Variants in ALDH9A1 observed in about 807,000 individuals in gnomAD.
ALDH9A1 encodes the protein aldehyde dehydrogenase 9 family member A1.
A neutral mutation model predicts 56.6 loss-of-function variants in ALDH9A1; 42 were observed. The observed-to-expected ratio is 0.74, with a 90% CI of 0.58 to 0.96. ALDH9A1 has a LOEUF of 0.96. Among genes scored for constraint, ALDH9A1 ranks in the 40% least tolerant of loss-of-function variants. ALDH9A1 has a pLI of 0.00. For missense variants in ALDH9A1, 661 were observed against 651.5 expected (o/e 1.01, Z -0.16); for synonymous variants, 242 against 236.0 (o/e 1.03, Z -0.23).
At chr1:165,684,959 A>AT (rs1649661632) in intron 2 of ALDH9A1, among the ~76,000 whole-genome samples, 1 of 151,350 alleles carries the variant, frequency 6.6e-6, no homozygotes, top group African/African-American at 2.4e-5. Flanking sequence ...GCCTTGGGAA[A>AT]TTTTTTCTGT....
chr1:165,676,775 T>A (rs1649374816), intron 6 of ALDH9A1: 1 of 499,552 alleles, frequency 2.0e-6, no homozygotes, highest in Non-Finnish European at 3.9e-6. Context: ...CCCTATGAAT[T>A]CATGGCATGA....
chr1:165,684,817 TG>T, intron 2 of ALDH9A1, among the ~76,000 whole-genome samples: 1 of 152,358 alleles, frequency 6.6e-6, no homozygotes, highest in East Asian at 1.9e-4. Context: ...TGCTAAGCCC[TG>T]GAACATTTAC....
At position 165,665,117 on chromosome 1, in the gene ALDH9A1, C is replaced by T. The variant is rs767191060; in HGVS notation, c.1363G>A (p.Ala455Thr). Residue 455 changes from alanine to threonine, a missense_variant, in exon 10 of 11, where the codon GCT (alanine) becomes ACT (threonine). By Grantham distance (58) the Ala-to-Thr change is moderately conservative. Transcript: ENST00000354775. ...TGAAGCTCAGCTACCACTCTATGAG[C>T]CCGTTGGATGTCCCTATGAAGAAAA... ...AGVFTRDIQRAHRVVAELQAG... is the reference protein window; with the variant it reads ...AGVFTRDIQRTHRVVAELQAG... The T allele has an allele frequency of 2.5e-6, 4 of 1,613,528 alleles. No individual in the cohort carries two copies. In the African/African-American group the frequency reaches 4.0e-5, roughly 16 times the overall value.
chr1:165,691,227 T>G (rs1197904002), intron 2 of ALDH9A1, among the ~76,000 whole-genome samples: 2 of 152,190 alleles, frequency 1.3e-5, no homozygotes, highest in Admixed American at 1.3e-4. Flanking sequence ...CAGCCTCCGC[T>G]GGTGATACCC....
At chr1:165,671,745 C>A in intron 6 of ALDH9A1, 1 of 316,028 alleles carries the variant, frequency 3.2e-6, no homozygotes. Flanking sequence ...TGTCTATGTA[C>A]TTGAGCAATA....
intron 6 of ALDH9A1, among the ~76,000 whole-genome samples, chr1:165,677,979 G>T (rs1050968556): frequency 6.6e-6 from 1 of 152,154 alleles, no homozygotes; most frequent in African/African-American, 2.4e-5. Context: ...AGGTTGCAGT[G>T]AGCTGAGATC....
chr1:165,698,479 G>A lies in ALDH9A1; in HGVS notation c.80C>T (p.Thr27Ile). The change falls in exon 1 of 11, where the codon ACT (threonine) becomes ATT (isoleucine). Residue 27 changes from threonine (T) to isoleucine (I), a missense_variant. By Grantham distance (89) the Thr-to-Ile change is moderately conservative (BLOSUM62 -1). Coordinates refer to ENST00000354775, the MANE Select transcript of ALDH9A1 (RefSeq NM_000696.4). ...CGGCTGCGACACGACGAAGGTGCCAGTGCTCATGGCGGCGACAGGAGAGGG... is the reference window on the plus strand; with the variant it reads ...CGGCTGCGACACGACGAAGGTGCCAATGCTCATGGCGGCGACAGGAGAGGG... ...LRPSPVAAMS[T>I]GTFVVSQPLN... is the part of the protein sequence containing the mutation. 1 of 1,608,900 alleles carries A rather than the reference G, an allele frequency of 6.2e-7. No individual in the cohort carries two copies. Among genetic ancestry groups the A allele is most frequent in the Non-Finnish European group, 8.5e-7 (1 of 1,177,992 alleles).
At chr1:165,679,361 T>C (rs1649468835) in intron 6 of ALDH9A1, 81 bp downstream of exon 6, 1 of 1,509,796 alleles carries the variant, frequency 6.6e-7, no homozygotes, top group Non-Finnish European at 9.0e-7. Flanking sequence ...GAAAGTATTG[T>C]AAAACAAAAA....
rs1382778989 is a variant in ALDH9A1 at position 165,681,524 on chromosome 1, A to C, written c.592+583T>G. ...GCAACAGGACAAAAGCTGCATTTCA[A>C]TATAATGTCCTAACAGTAATGCTTT... On this transcript the variant is annotated intron_variant, in intron 4 of 10. Transcript: ENST00000354775. Among the ~76,000 whole-genome samples the C allele has an allele frequency of 3.3e-5, 5 of 152,364 alleles. 1 individual carries two copies. In the East Asian group the frequency reaches 9.6e-4, roughly 29 times the overall value.
chr1:165,698,205 G>A (rs1163350861), intron 1 of ALDH9A1, 173 bp downstream of exon 1: 1 of 1,367,016 alleles, frequency 7.3e-7, no homozygotes, highest in African/African-American at 1.5e-5. Context: ...CCTGCCCGGA[G>A]GCACTCGCGT....
intron 8 of ALDH9A1, 193 bp downstream of exon 8, chr1:165,668,733 T>A: frequency 2.1e-6 from 1 of 471,502 alleles, no homozygotes; most frequent in South Asian, 3.8e-5. Flanking sequence ...CTAATACATA[T>A]GGGTGCCCTA....
chr1:165,680,513 TG>T lies in ALDH9A1; in HGVS notation c.762del (p.Phe254LeufsTer9). The T allele has an allele frequency of 6.2e-7, 1 of 1,614,070 alleles. No homozygotes were observed. The highest frequency in any genetic ancestry group is 8.5e-7 in the Non-Finnish European group (1 of 1,179,992). The part of the protein sequence containing the change: ...CQHPDVAKVS[F>X]TGSVPTGMKI... ...TTCATGCCAGTGGGCACACTTCCAG[TG>T]AAGGAGACTTTGGCCACATCGGGAT... On this transcript the variant is annotated frameshift_variant, in exon 5 of 11. Coordinates refer to ENST00000354775, the MANE Select transcript of ALDH9A1 (RefSeq NM_000696.4). LOFTEE classifies it high-confidence loss of function.
chr1:165,682,079 C>T (rs1649568450), intron 4 of ALDH9A1, 28 bp downstream of exon 4: 1 of 1,612,166 alleles, frequency 6.2e-7, no homozygotes. Flanking sequence ...ACGAATGGCT[C>T]TCAAATGGAG....
At chr1:165,670,253 T>C (rs12123278) in intron 6 of ALDH9A1, among the ~76,000 whole-genome samples, 59,684 of 151,802 alleles carry the variant, frequency 0.39, 11,884 homozygotes, top group Middle Eastern at 0.49. Flanking sequence ...GGCAACATGA[T>C]GAAACCCCAT....
intron 10 of ALDH9A1, among the ~76,000 whole-genome samples, chr1:165,663,441 T>C (rs1458870774): frequency 6.6e-6 from 1 of 152,256 alleles, no homozygotes; most frequent in Non-Finnish European, 1.5e-5. Context: ...GCTTGGATTT[T>C]ATATCAAGTG....
chr1:165,697,424 A>G (rs1650125624), intron 1 of ALDH9A1, among the ~76,000 whole-genome samples: 1 of 152,252 alleles, frequency 6.6e-6, no homozygotes, highest in Non-Finnish European at 1.5e-5. Flanking sequence ...GTATACATAC[A>G]TTACAACACG....
intron 2 of ALDH9A1, among the ~76,000 whole-genome samples, chr1:165,689,046 T>G (rs1649801405): frequency 6.6e-6 from 1 of 152,142 alleles, no homozygotes; most frequent in Non-Finnish European, 1.5e-5. Context: ...TAAAAGTCAT[T>G]TCCTAACAAT....
intron 8 of ALDH9A1, 179 bp downstream of exon 8, chr1:165,668,747 G>C (rs1649082625): frequency 4.0e-6 from 2 of 497,902 alleles, no homozygotes; most frequent in African/African-American, 2.0e-5. Context: ...TGCCCTAAAG[G>C]AGGGGCACAC....
At position 165,695,977 on chromosome 1, in the gene ALDH9A1, G is replaced by C. The variant is rs1047178764; in HGVS notation, c.182-580C>G. ...AGCAATTCTCCTGCCTCAGCCTCCCGAGTAGCTGGGATTACAGGCGCCTGC... is the reference window on the plus strand; with the variant it reads ...AGCAATTCTCCTGCCTCAGCCTCCCCAGTAGCTGGGATTACAGGCGCCTGC... On this transcript the variant is annotated intron_variant, in intron 1 of 10. Transcript: ENST00000354775. Among the ~76,000 whole-genome samples, 5 of 152,036 alleles carry C rather than the reference G, an allele frequency of 3.3e-5. No homozygotes were observed. In the East Asian group the frequency reaches 9.7e-4, roughly 29 times the overall value.
Sources: allele counts gnomAD v4.1 joint callset (sites outside exome capture counted in the v4.1 genomes callset), GRCh38; gene constraint gnomAD v4.1.1; transcripts MANE v1.5; gene names NCBI Gene and HGNC (gene_info 2026-07-23, HGNC 2026-07-21).